TMEM117: variants seen among roughly 807,000 people sequenced by gnomAD.
The protein encoded by TMEM117 is transmembrane protein 117.
TMEM117 carries 27 observed loss-of-function variants against 52.4 expected under a neutral mutation model. That is an observed-to-expected ratio of 0.51 (90% CI 0.38 to 0.71). The LOEUF (loss-of-function observed/expected upper bound fraction) is 0.71, where lower values mean the gene tolerates loss of function less well. TMEM117 is among the 30% of genes least tolerant of loss of function. The pLI is 0.00. For missense variants in TMEM117, 556 were observed against 630.5 expected (o/e 0.88, Z 1.26); for synonymous variants, 215 against 206.3 (o/e 1.04, Z -0.36).
At chr12:44,191,391 C>G (rs1180910201) in intron 4 of TMEM117, among the ~76,000 whole-genome samples, 1 of 151,994 alleles carries the variant, frequency 6.6e-6, no homozygotes, top group Non-Finnish European at 1.5e-5. Flanking sequence ...GTCTGTCTAT[C>G]TATGTATCAA....
intron 2 of TMEM117, among the ~76,000 whole-genome samples, chr12:43,909,073 C>A (rs1185755639): frequency 1.6e-5 from 1 of 63,432 alleles, no homozygotes; most frequent in African/African-American, 3.2e-5. Context: ...CACACCTATT[C>A]CAAAATTGAC....
intron 6 of TMEM117, among the ~76,000 whole-genome samples, chr12:44,319,758 A>C (rs1052724164): frequency 5.9e-5 from 9 of 152,226 alleles, no homozygotes; most frequent in African/African-American, 1.9e-4. Context: ...TCTTCTGACT[A>C]CCAGTTAATT....
intron 3 of TMEM117, among the ~76,000 whole-genome samples, chr12:44,115,504 T>TTA (rs1302542944): frequency 6.6e-6 from 1 of 152,142 alleles, no homozygotes; most frequent in Non-Finnish European, 1.5e-5. Context: ...ACTTTCTTAT[T>TTA]TACAGATAAA....
intron 6 of TMEM117, among the ~76,000 whole-genome samples, chr12:44,322,485 T>C (rs1380050968): frequency 6.6e-6 from 1 of 152,074 alleles, no homozygotes; most frequent in Non-Finnish European, 1.5e-5. Context: ...TAAGCCCAAT[T>C]CTAAAAAATG....
At chr12:43,881,426 G>T (rs1439022277) in intron 2 of TMEM117, among the ~76,000 whole-genome samples, 1 of 152,178 alleles carries the variant, frequency 6.6e-6, no homozygotes, top group Non-Finnish European at 1.5e-5. Context: ...TATTGATTAT[G>T]TGTTGACATG....
chr12:44,114,258 A>G (rs1948094185), intron 3 of TMEM117, among the ~76,000 whole-genome samples: 1 of 151,412 alleles, frequency 6.6e-6, no homozygotes, highest in African/African-American at 2.4e-5. Context: ...ATAAGTTTAA[A>G]TTTTTATTTT....
chr12:44,002,355 G>T (rs898098136), intron 3 of TMEM117, among the ~76,000 whole-genome samples: 3 of 150,542 alleles, frequency 2.0e-5, no homozygotes, highest in African/African-American at 7.3e-5. Context: ...GGTACAATCT[G>T]AAGAGACAAC....
chr12:43,815,043 C>T, the TMEM117 span, among the ~76,000 whole-genome samples: 1 of 152,044 alleles, frequency 6.6e-6, no homozygotes, highest in African/African-American at 2.4e-5. Context: ...CCACACCCAG[C>T]CCTGGGTTTG....
intron 7 of TMEM117, among the ~76,000 whole-genome samples, chr12:44,381,468 TG>T (rs1952019565): frequency 6.6e-6 from 1 of 152,130 alleles, no homozygotes; most frequent in African/African-American, 2.4e-5. Context: ...CCAATCCCGG[TG>T]GAAGCTCTGC....
At chr12:44,097,207 A>G (rs888621145) in intron 3 of TMEM117, among the ~76,000 whole-genome samples, 6 of 152,320 alleles carry the variant, frequency 3.9e-5, no homozygotes, top group South Asian at 2.1e-4. Flanking sequence ...TTAAAAAGTC[A>G]GGAAACAACA....
intron 4 of TMEM117, among the ~76,000 whole-genome samples, chr12:44,173,242 A>AT (rs1565859926): frequency 6.6e-6 from 1 of 152,022 alleles, no homozygotes; most frequent in Admixed American, 6.6e-5. Flanking sequence ...TGCCTGGCTA[A>AT]TTTTTTGTAT....
At chr12:43,879,120 A>G (rs762674338) in intron 2 of TMEM117, among the ~76,000 whole-genome samples, 9 of 152,206 alleles carry the variant, frequency 5.9e-5, no homozygotes, top group Non-Finnish European at 1.0e-4. Context: ...ACATATGAAC[A>G]GTTTTATCAA....
At chr12:43,883,590 A>G (rs973541794) in intron 2 of TMEM117, among the ~76,000 whole-genome samples, 1 of 152,246 alleles carries the variant, frequency 6.6e-6, no homozygotes, top group Non-Finnish European at 1.5e-5. Context: ...ATGAGTGGTT[A>G]TAAGGGAATG....
intron 3 of TMEM117, among the ~76,000 whole-genome samples, chr12:44,122,048 C>CTT (rs201865850): frequency 0.013 from 1,815 of 138,800 alleles, 42 homozygotes; most frequent in African/African-American, 0.043. Context: ...CTTTTCTTTT[C>CTT]TTTTTTTTTT....
chr12:44,021,990 G>C (rs1360058397), intron 3 of TMEM117, among the ~76,000 whole-genome samples: 1 of 152,120 alleles, frequency 6.6e-6, no homozygotes, highest in Non-Finnish European at 1.5e-5. Flanking sequence ...ATATCTATGA[G>C]TATGTTATTT....
chr12:43,837,495 C>T lies in TMEM117; in HGVS notation c.-29+1299C>T, dbSNP rs141906239. Among the ~76,000 whole-genome samples, 1,161 of 152,084 alleles carry T rather than the reference C, an allele frequency of 7.6e-3. 13 individuals carry two copies. The highest frequency in any genetic ancestry group is 0.025 in the African/African-American group (1,058 of 41,498). On this transcript the variant is annotated intron_variant, in intron 1 of 7. Transcript: ENST00000266534. ...CTGAGTAGCTGGGATTACAGGCGCGCGCCACCATGCCTGGCTAATTTTTGT... is the reference window on the plus strand; with the variant it reads ...CTGAGTAGCTGGGATTACAGGCGCGTGCCACCATGCCTGGCTAATTTTTGT...
chr12:44,243,109 T>C (rs949549008), intron 5 of TMEM117, among the ~76,000 whole-genome samples: 2 of 152,064 alleles, frequency 1.3e-5, no homozygotes, highest in African/African-American at 4.8e-5. Context: ...GTTGTTTGTT[T>C]TTCTCTTGTA....
intron 3 of TMEM117, among the ~76,000 whole-genome samples, chr12:43,949,384 A>C (rs1475195621): frequency 6.6e-6 from 1 of 152,182 alleles, no homozygotes; most frequent in Non-Finnish European, 1.5e-5. Flanking sequence ...GACTGTTTGC[A>C]TGCTCAGTAG....
intron 5 of TMEM117, among the ~76,000 whole-genome samples, chr12:44,236,691 T>C (rs1031367761): frequency 6.6e-6 from 1 of 152,144 alleles, no homozygotes; most frequent in Non-Finnish European, 1.5e-5. Flanking sequence ...CGGTTTATAT[T>C]TTAAAAACAC....
Sources: gnomAD v4.1 joint callset for allele counts (sites outside exome capture counted in the v4.1 genomes callset) on GRCh38, gnomAD v4.1.1 for gene constraint, MANE v1.5 for transcripts, NCBI Gene and HGNC (gene_info 2026-07-23, HGNC 2026-07-21) for gene names.